ECRG4: variants seen among roughly 807,000 people sequenced by gnomAD.
ECRG4 encodes ECRG4 augurin precursor.
ECRG4 carries 18 observed loss-of-function variants against 15.8 expected under a neutral mutation model. The ratio of observed to expected loss-of-function variants is 1.14; its 90% CI spans 0.79 to 1.69. The LOEUF (loss-of-function observed/expected upper bound fraction) is 1.69, where lower values mean the gene tolerates loss of function less well. ECRG4 is among the 40% of genes most tolerant of loss of function. The pLI is 0.00. For missense variants in ECRG4, 200 were observed against 190.9 expected (o/e 1.05, Z -0.28); for synonymous variants, 82 against 73.9 (o/e 1.11, Z -0.56).
At chr2:106,073,156 G>A (rs1037773692) in intron 2 of ECRG4, among the ~76,000 whole-genome samples, 5 of 152,212 alleles carry the variant, frequency 3.3e-5, no homozygotes, top group African/African-American at 9.6e-5. Context: ...GGCTGAAAAC[G>A]TGACAGCAGG....
chr2:106,071,872 G>C lies in ECRG4; in HGVS notation c.108G>C (p.Leu36=). Residue 36 remains leucine (L), a synonymous_variant, in exon 2 of 4, where the codon CTG becomes CTC. Coordinates refer to ENST00000238044, the MANE Select transcript of ECRG4 (RefSeq NM_032411.3). The part of the protein sequence containing the change: ...PGGISGNKLK[L]MLQKREAPVP... ...GCATAAGTGGAAATAAACTCAAGCT[G>C]ATGCTTCAAAAACGAGAAGGTAAAT... 6.2e-7 allele frequency: 1 copy of C among 1,613,698 alleles called. No homozygotes were observed. The highest frequency in any genetic ancestry group is 8.5e-7 in the Non-Finnish European group (1 of 1,179,726).
At chr2:106,072,649 C>T (rs921215044) in intron 2 of ECRG4, among the ~76,000 whole-genome samples, 11 of 152,244 alleles carry the variant, frequency 7.2e-5, no homozygotes, top group Non-Finnish European at 1.5e-4. Flanking sequence ...ATTCTTCCCA[C>T]ACTCCCCAGT....
chr2:106,068,760 A>G (rs981108247), intron 1 of ECRG4, among the ~76,000 whole-genome samples: 4 of 152,248 alleles, frequency 2.6e-5, no homozygotes, highest in African/African-American at 9.6e-5. Flanking sequence ...GAATGCTATT[A>G]TTAGTGCCAA....
intron 1 of ECRG4, among the ~76,000 whole-genome samples, chr2:106,069,162 TTC>T (rs1342546445): frequency 4.4e-5 from 6 of 136,692 alleles, no homozygotes; most frequent in East Asian, 2.5e-4. Context: ...CTTTCTTTCT[TTC>T]TTTCTTTTTT....
At chr2:106,069,492 C>T (rs952850186) in intron 1 of ECRG4, among the ~76,000 whole-genome samples, 1 of 152,010 alleles carries the variant, frequency 6.6e-6, no homozygotes, top group Admixed American at 6.6e-5. Flanking sequence ...CACCACCACA[C>T]TAGGCTAATT....
At chr2:106,071,345 A>G (rs1033080505) in intron 1 of ECRG4, among the ~76,000 whole-genome samples, 1,389 of 129,242 alleles carry the variant, frequency 0.011, 54 homozygotes, top group African/African-American at 0.036. Flanking sequence ...AAAAAAAAAA[A>G]AAAAAAAGAA....
chr2:106,067,960 G>A (rs146695528), intron 1 of ECRG4, among the ~76,000 whole-genome samples: 1,832 of 151,218 alleles, frequency 0.012, 28 homozygotes, highest in African/African-American at 0.041. Flanking sequence ...TCAGCCTCCC[G>A]AGTAGCTGGG....
intron 2 of ECRG4, among the ~76,000 whole-genome samples, chr2:106,072,776 G>A (rs540678710): frequency 2.0e-5 from 3 of 152,134 alleles, no homozygotes; most frequent in Non-Finnish European, 2.9e-5. Context: ...TCTCTGAGGC[G>A]GCTCAGAGGG....
chr2:106,067,902 A>G (rs1676258806), intron 1 of ECRG4, among the ~76,000 whole-genome samples: 1 of 149,154 alleles, frequency 6.7e-6, no homozygotes, highest in Admixed American at 6.7e-5. Context: ...TGGTGTGATC[A>G]TAGCTCACTG....
Position 106,074,048 on chromosome 2 carries a change from G to A in ECRG4, c.285+5G>A, listed in dbSNP as rs369544803. On this transcript the variant is annotated splice_donor_5th_base_variant and intron_variant, in intron 3 of 3. Coordinates refer to ENST00000238044, the MANE Select transcript of ECRG4 (RefSeq NM_032411.3). The stretch of plus-strand genomic sequence containing the variant: ...TACATGGGCTTTGACGAAGCGGTAG[G>A]TGTTGCCTCCGGCTGCAGGCCTGGC... The A allele has an allele frequency of 2.7e-5, 44 of 1,610,338 alleles. No individual in the cohort carries two copies. Among genetic ancestry groups the A allele is most frequent in the Non-Finnish European group, 3.6e-5 (43 of 1,178,136 alleles).
chr2:106,077,230 TCTAA>T, intron 3 of ECRG4, among the ~76,000 whole-genome samples: 1 of 152,306 alleles, frequency 6.6e-6, no homozygotes, highest in East Asian at 1.9e-4. Flanking sequence ...CTGTGTACAC[TCTAA>T]CCAACAACAC....
chr2:106,069,177 TTCTTTCTTTC>T (rs1484889707), intron 1 of ECRG4, among the ~76,000 whole-genome samples: 240 of 151,324 alleles, frequency 1.6e-3, no homozygotes, highest in Non-Finnish European at 2.8e-3. Context: ...TCTTTTTTCT[TTCTTTCTTTC>T]TCTTTCTTCT....
At chr2:106,067,737 C>T (rs1034385344) in intron 1 of ECRG4, among the ~76,000 whole-genome samples, 2 of 152,150 alleles carry the variant, frequency 1.3e-5, no homozygotes, top group African/African-American at 4.8e-5. Context: ...CCAATCTTGG[C>T]CTCCCAAAGT....
chr2:106,069,242 TTTCTTTC>T (rs1314886008), intron 1 of ECRG4, among the ~76,000 whole-genome samples: 3 of 149,150 alleles, frequency 2.0e-5, no homozygotes, highest in Non-Finnish European at 4.4e-5. Context: ...CTTTCTTTTC[TTTCTTTC>T]TTCTTTCTCT....
chr2:106,073,696 T>C, intron 2 of ECRG4, 190 bp from the exon 3 acceptor site: 1 of 694,716 alleles, frequency 1.4e-6, no homozygotes, highest in East Asian at 2.6e-5. Context: ...AAATAACACT[T>C]ACTAACAGGA....
Position 106,065,736 on chromosome 2 carries a change from C to G in ECRG4, c.-29C>G, listed in dbSNP as rs1021905509. 19 of 1,466,316 alleles carry G rather than the reference C, an allele frequency of 1.3e-5. No individual in the cohort carries two copies. The highest frequency in any genetic ancestry group is 1.6e-5 in the Non-Finnish European group (18 of 1,113,398). The allele number at this position is 1,466,316 out of a possible 1,614,324, so 90.8% of individuals were successfully genotyped here. A position where few individuals can be genotyped will look rare whatever the true frequency, so the allele number is the denominator to read the frequency against. ...CCCTCGCAGCACCTCGAAGTGCGCC[C>G]CTCGCCCTCCTGCTCGCGCCCCGCC... On this transcript the variant is annotated 5_prime_UTR_variant, in exon 1 of 4. Transcript: ENST00000238044.
At position 106,067,059 on chromosome 2, in the gene ECRG4, C is replaced by CGGGGCGGGGGGGGGG. The variant is rs1207345148; in HGVS notation, c.79+1220_79+1221insCGGGGGGGGGGGGGG. Among the ~76,000 whole-genome samples the CGGGGCGGGGGGGGGG allele has an allele frequency of 1.4e-3, 6 of 4,268 alleles. 1 individual carries two copies. The highest frequency in any genetic ancestry group is 2.8e-3 in the African/African-American group (3 of 1,056). 2.8% of individuals were successfully genotyped at this position (4,268 alleles called of 152,430 possible). A position where few individuals can be genotyped will look rare whatever the true frequency, so the allele number is the denominator to read the frequency against. On this transcript the variant is annotated intron_variant, in intron 1 of 3. Transcript: ENST00000238044. Reference sequence around the variant, plus strand: ...CTGTAATCCCAGCACTTTGGGAGGCCGGGGGGGGGGGGGGGGCAGATCACC... The same window carrying CGGGGCGGGGGGGGGG: ...CTGTAATCCCAGCACTTTGGGAGGCCGGGGCGGGGGGGGGGGGGGGGGGGGGGGGGGCAGATCACC...
intron 1 of ECRG4, among the ~76,000 whole-genome samples, chr2:106,067,786 A>T (rs1245515308): frequency 2.6e-5 from 4 of 151,912 alleles, no homozygotes; most frequent in Non-Finnish European, 2.9e-5. Context: ...CCCAGCCTAC[A>T]GTGAAAATCT....
rs111665478 is a variant in ECRG4, at chr2:106,071,565, A to C, written c.80-279A>C. Among the ~76,000 whole-genome samples, 26 of 152,304 alleles carry C rather than the reference A, an allele frequency of 1.7e-4. 1 individual carries two copies. The highest frequency in any genetic ancestry group is 5.8e-4 in the African/African-American group (24 of 41,566). On this transcript the variant is annotated intron_variant, in intron 1 of 3. Coordinates refer to ENST00000238044, the MANE Select transcript of ECRG4 (RefSeq NM_032411.3). ...CGCTTGACAGATGGCTGCGCCTCGT[A>C]GTAAGACACAGGGCTAAAAGAACAG...
Sources: gnomAD v4.1 joint callset for allele counts (sites outside exome capture counted in the v4.1 genomes callset) on GRCh38, gnomAD v4.1.1 for gene constraint, MANE v1.5 for transcripts, NCBI Gene and HGNC (gene_info 2026-07-23, HGNC 2026-07-21) for gene names.